CNTN4: variants seen among roughly 807,000 people sequenced by gnomAD.
CNTN4 encodes contactin-4.
Under a neutral mutation model 122.5 loss-of-function variants are expected in CNTN4, and 77 were observed. The observed-to-expected ratio is 0.63, with a 90% CI of 0.52 to 0.76. The LOEUF is 0.76. Ranked by LOEUF, CNTN4 falls within the 30% of genes least tolerant of loss-of-function variation. CNTN4 has a pLI of 0.00. For synonymous variants in CNTN4, 512 were observed against 447.0 expected (o/e 1.15, Z -1.83); for missense variants, 1,256 against 1,259.1 (o/e 1.00, Z 0.04).
intron 3 of CNTN4, among the ~76,000 whole-genome samples, chr3:2,455,603 G>C (rs1474532252): frequency 6.6e-6 from 1 of 152,022 alleles, no homozygotes; most frequent in Non-Finnish European, 1.5e-5. Context: ...TTACTGTTAA[G>C]GTTTTACTGT....
intron 6 of CNTN4, among the ~76,000 whole-genome samples, chr3:2,746,532 G>A (rs2089778756): frequency 6.6e-6 from 1 of 152,196 alleles, no homozygotes; most frequent in Non-Finnish European, 1.5e-5. Context: ...AAGGGTTTAT[G>A]TATTTGCATG....
chr3:2,261,727 T>C (rs932772936), intron 2 of CNTN4, among the ~76,000 whole-genome samples: 3 of 152,178 alleles, frequency 2.0e-5, no homozygotes, highest in Admixed American at 6.5e-5. Flanking sequence ...AGTGGAGTAT[T>C]GCCCAGATGT....
At position 2,700,493 on chromosome 3, in the gene CNTN4, C is replaced by T. The variant is rs537221497; in HGVS notation, c.56-35722C>T. ...AATGTTGAATCTTAGACTAGAGGCTCTTTGACCTCTTCCTGGATTTATTCT... is the reference window on the plus strand; with the variant it reads ...AATGTTGAATCTTAGACTAGAGGCTTTTTGACCTCTTCCTGGATTTATTCT... On this transcript the variant is annotated intron_variant, in intron 4 of 24. Coordinates refer to ENST00000418658, the MANE Select transcript of CNTN4 (RefSeq NM_175607.3). 2.5e-4 allele frequency among the ~76,000 whole-genome samples: 38 copies of T among 152,308 alleles called. No homozygotes were observed. In the South Asian group the frequency reaches 7.9e-3, roughly 32 times the overall value.
chr3:2,734,895 A>C (rs576068819), intron 4 of CNTN4, among the ~76,000 whole-genome samples: 46 of 152,332 alleles, frequency 3.0e-4, no homozygotes, highest in Non-Finnish European at 5.9e-4. Context: ...GTGATATTTA[A>C]TATAACTTTA....
chr3:2,895,961 A>G (rs898431158), intron 10 of CNTN4, among the ~76,000 whole-genome samples: 20 of 152,292 alleles, frequency 1.3e-4, no homozygotes, highest in South Asian at 8.3e-4. Context: ...TGAACCCAGA[A>G]GGCAGAGTTT....
At position 2,104,180 on chromosome 3, in the gene CNTN4, G is replaced by A. The variant is rs544444697; in HGVS notation, c.-145+3541G>A. 9.9e-5 allele frequency among the ~76,000 whole-genome samples: 15 copies of A among 150,788 alleles called. No individual in the cohort carries two copies. The East Asian group carries it at 2.7e-3, about 27-fold the overall frequency. On this transcript the variant is annotated intron_variant, in intron 2 of 24. Coordinates refer to ENST00000418658, the MANE Select transcript of CNTN4 (RefSeq NM_175607.3). ...TCCTGAGAATTTTGCTTTTTTTTCT[G>A]AACTCCTCTTTCTTCCAATTTTTTC...
chr3:2,749,864 T>G (rs2090003270), intron 6 of CNTN4, among the ~76,000 whole-genome samples: 1 of 152,228 alleles, frequency 6.6e-6, no homozygotes, highest in Non-Finnish European at 1.5e-5. Flanking sequence ...ATAAAATCCT[T>G]TTCTTCAGTG....
At position 2,709,312 on chromosome 3, in the gene CNTN4, C is replaced by A. The variant is rs34318160; in HGVS notation, c.56-26903C>A. Among the ~76,000 whole-genome samples the A allele has an allele frequency of 6.6e-6, 1 of 152,012 alleles. No homozygotes were observed. The highest frequency in any genetic ancestry group is 1.5e-5 in the Non-Finnish European group (1 of 67,994). On this transcript the variant is annotated intron_variant, in intron 4 of 24. Coordinates refer to ENST00000418658, the MANE Select transcript of CNTN4 (RefSeq NM_175607.3). This position sits in a 1 kb window ranked among gnomAD's most constrained non-coding sequence, Gnocchi z 5.0. ...ATAATTAGTACAGTGTGATTCTCAA[C>A]CTTGGCTGCATATTAGAATCATCTG...
At chr3:2,348,059 G>A (rs1027711462) in intron 3 of CNTN4, among the ~76,000 whole-genome samples, 4 of 151,902 alleles carry the variant, frequency 2.6e-5, no homozygotes, top group Non-Finnish European at 2.9e-5. Flanking sequence ...TATAGTTTGA[G>A]CCCACCTTAG....
chr3:2,232,931 T>C (rs1254398211), intron 2 of CNTN4, among the ~76,000 whole-genome samples: 2 of 152,160 alleles, frequency 1.3e-5, no homozygotes, highest in African/African-American at 2.4e-5. Flanking sequence ...GAGGAGGTTT[T>C]TGACCCAGGA....
At chr3:2,708,936 C>A (rs753807486) in intron 4 of CNTN4, among the ~76,000 whole-genome samples, 2 of 152,280 alleles carry the variant, frequency 1.3e-5, no homozygotes, top group South Asian at 2.1e-4. Context: ...TATACCCAAT[C>A]ATGTATGGAT....
intron 3 of CNTN4, among the ~76,000 whole-genome samples, chr3:2,541,845 A>G (rs1051882859): frequency 3.9e-5 from 6 of 152,080 alleles, no homozygotes; most frequent in Non-Finnish European, 7.4e-5. Flanking sequence ...TGGAGATGCC[A>G]TCTTGACTGG....
At chr3:2,221,889 A>G (rs907230063) in intron 2 of CNTN4, among the ~76,000 whole-genome samples, 1 of 152,176 alleles carries the variant, frequency 6.6e-6, no homozygotes, top group Non-Finnish European at 1.5e-5. Context: ...AAAGACAGTA[A>G]TAACACTTTT....
chr3:2,600,253 T>A (rs951205284), intron 4 of CNTN4, among the ~76,000 whole-genome samples: 1 of 151,960 alleles, frequency 6.6e-6, no homozygotes, highest in African/African-American at 2.4e-5. Context: ...GTGTACAACC[T>A]GCAGGTTTGT....
At chr3:2,818,977 T>C (rs1364602105) in intron 6 of CNTN4, among the ~76,000 whole-genome samples, 5 of 152,216 alleles carry the variant, frequency 3.3e-5, no homozygotes, top group Non-Finnish European at 5.9e-5. Flanking sequence ...ATAGAATGGT[T>C]TGTGAAGTGA....
intron 6 of CNTN4, among the ~76,000 whole-genome samples, chr3:2,814,225 T>C (rs2092678328): frequency 6.6e-6 from 1 of 152,222 alleles, no homozygotes; most frequent in African/African-American, 2.4e-5. Context: ...AATCTACACA[T>C]CACATGTCAA....
intron 3 of CNTN4, among the ~76,000 whole-genome samples, chr3:2,442,168 T>C (rs1382730278): frequency 6.6e-6 from 1 of 152,188 alleles, no homozygotes; most frequent in Non-Finnish European, 1.5e-5. Flanking sequence ...TCTGTAACCT[T>C]GTGAAAAAGC....
At chr3:2,313,912 A>G (rs985510595) in intron 2 of CNTN4, among the ~76,000 whole-genome samples, 9 of 152,006 alleles carry the variant, frequency 5.9e-5, no homozygotes, top group African/African-American at 2.2e-4. Context: ...AAAAGGAATA[A>G]CTGTAAAATT....
intron 13 of CNTN4, among the ~76,000 whole-genome samples, chr3:2,981,711 G>A (rs1445656142): frequency 6.6e-6 from 1 of 152,078 alleles, no homozygotes; most frequent in Admixed American, 6.5e-5. Context: ...CCCCAAGGCC[G>A]AATGCTAGCT....
Sources: gnomAD v4.1 joint callset for allele counts (sites outside exome capture counted in the v4.1 genomes callset) on GRCh38, gnomAD v4.1.1 for gene constraint, Gnocchi (gnomAD v3.1) non-coding constraint, MANE v1.5 for transcripts, NCBI Gene and HGNC (gene_info 2026-07-23, HGNC 2026-07-21) for gene names.